The following CALN1 variants were observed in gnomAD, a reference collection of about 807,000 sequenced individuals.
CALN1 encodes the protein calcium-binding protein 8.
CALN1 carries 17 observed loss-of-function variants against 30.6 expected under a neutral mutation model. That is an observed-to-expected ratio of 0.56 (90% CI 0.38 to 0.83). The LOEUF is 0.83. Ranked by LOEUF, CALN1 falls within the 40% of genes least tolerant of loss-of-function variation. The pLI, the probability that CALN1 is intolerant of heterozygous loss-of-function variation, is 0.00. For synonymous variants in CALN1, 156 were observed against 131.4 expected (o/e 1.19, Z -1.28); for missense variants, 291 against 354.9 (o/e 0.82, Z 1.45).
In CALN1 at chr7:72,431,940, G is replaced by A. The variant is rs141081536; in HGVS notation, c.-226+15102C>T. ...CTCCTAATCTTGAGGAATATTACAAGAGGAGGCAGCCAGTCCTATTAAACT... is the reference window on the plus strand; with the variant it reads ...CTCCTAATCTTGAGGAATATTACAAAAGGAGGCAGCCAGTCCTATTAAACT... On this transcript the variant is annotated intron_variant, in intron 1 of 6. Coordinates refer to the CALN1 transcript ENST00000395276. Among the ~76,000 whole-genome samples the A allele has an allele frequency of 2.3e-3, 342 of 151,680 alleles. 1 individual carries two copies. The highest frequency in any genetic ancestry group is 8.1e-3 in the African/African-American group (334 of 41,374).
At chr7:72,275,276 T>C (rs1797261446) in intron 3 of CALN1, among the ~76,000 whole-genome samples, 2 of 151,800 alleles carry the variant, frequency 1.3e-5, no homozygotes, top group Non-Finnish European at 2.9e-5. Context: ...GGTAAATGAG[T>C]GCCCCCAACC....
intron 4 of CALN1, among the ~76,000 whole-genome samples, chr7:72,088,247 C>T (rs1805612692): frequency 6.6e-6 from 1 of 152,138 alleles, no homozygotes; most frequent in Non-Finnish European, 1.5e-5. Context: ...CTAGAACACA[C>T]AGATGAATAT....
At chr7:72,031,487 A>G (rs1410480849) in intron 4 of CALN1, among the ~76,000 whole-genome samples, 1 of 152,180 alleles carries the variant, frequency 6.6e-6, no homozygotes, top group Non-Finnish European at 1.5e-5. Flanking sequence ...GATAACTTAG[A>G]AAAAAAGAGG....
intron 1 of CALN1, among the ~76,000 whole-genome samples, chr7:72,406,513 C>T (rs968100472): frequency 2.0e-5 from 3 of 152,126 alleles, no homozygotes; most frequent in Non-Finnish European, 4.4e-5. Flanking sequence ...CCTTTACAAT[C>T]GTCATCTGAA....
At chr7:72,106,718 AAGGGAGGG>A (rs1166644960) in intron 3 of CALN1, among the ~76,000 whole-genome samples, 6 of 50,000 alleles carry the variant, frequency 1.2e-4, no homozygotes, top group African/African-American at 5.2e-4. Context: ...GGGAGGGAGG[AAGGGAGGG>A]AGGGAGGAAG....
At chr7:72,386,143 A>C (rs1443763383) in intron 2 of CALN1, among the ~76,000 whole-genome samples, 4 of 152,200 alleles carry the variant, frequency 2.6e-5, no homozygotes, top group Admixed American at 2.6e-4. Flanking sequence ...CAGTGAAACT[A>C]TTTTGTATGG....
intron 5 of CALN1, among the ~76,000 whole-genome samples, chr7:71,975,260 G>A (rs1256673040): frequency 6.6e-6 from 1 of 152,056 alleles, no homozygotes; most frequent in South Asian, 2.1e-4. Flanking sequence ...CTGGTGGGTG[G>A]CATCTGTGTC....
At chr7:72,195,392 T>G (rs1277200107) in intron 3 of CALN1, among the ~76,000 whole-genome samples, 2 of 152,186 alleles carry the variant, frequency 1.3e-5, no homozygotes, top group African/African-American at 4.8e-5. Flanking sequence ...CTCTCTTTTT[T>G]TAAGAGACTA....
intron 4 of CALN1, among the ~76,000 whole-genome samples, chr7:72,082,018 G>A (rs1254047423): frequency 6.6e-6 from 1 of 151,636 alleles, no homozygotes. Context: ...ACAGAGTCTT[G>A]CTCTGTTGCC....
chr7:72,449,654 C>T (rs959829858), upstream of CALN1, among the ~76,000 whole-genome samples: 2 of 151,956 alleles, frequency 1.3e-5, no homozygotes, highest in East Asian at 1.9e-4. Flanking sequence ...GGGAGGATCA[C>T]GAGGTCAGGA....
At chr7:72,407,116 G>A (rs1037981897) in intron 1 of CALN1, among the ~76,000 whole-genome samples, 2 of 152,150 alleles carry the variant, frequency 1.3e-5, no homozygotes, top group South Asian at 2.1e-4. Flanking sequence ...AATATGCAGA[G>A]AATGGTGAAG....
intron 2 of CALN1, among the ~76,000 whole-genome samples, chr7:72,299,873 C>T (rs1162650989): frequency 6.6e-6 from 1 of 151,334 alleles, no homozygotes; most frequent in Non-Finnish European, 1.5e-5. Context: ...GTTTTTGTTT[C>T]AATTTTTGTT....
At chr7:71,897,534 C>G (rs1793594993) in intron 5 of CALN1, among the ~76,000 whole-genome samples, 1 of 152,036 alleles carries the variant, frequency 6.6e-6, no homozygotes, top group Non-Finnish European at 1.5e-5. Context: ...TCTGGAAACA[C>G]AAGGTAAAGG....
chr7:71,846,017 C>T (rs1179585539), intron 5 of CALN1, among the ~76,000 whole-genome samples: 1 of 152,088 alleles, frequency 6.6e-6, no homozygotes, highest in Non-Finnish European at 1.5e-5. Flanking sequence ...TCCACTACTG[C>T]ACTCTAGCCT....
intron 2 of CALN1, among the ~76,000 whole-genome samples, chr7:72,379,576 T>C (rs768528086): frequency 2.0e-5 from 3 of 152,250 alleles, no homozygotes; most frequent in Non-Finnish European, 4.4e-5. Flanking sequence ...TTATCAGCCA[T>C]TCCCTGGTCA....
intron 5 of CALN1, among the ~76,000 whole-genome samples, chr7:71,982,400 C>T (rs567693539): frequency 6.6e-6 from 1 of 152,254 alleles, no homozygotes; most frequent in African/African-American, 2.4e-5. Context: ...TTCAAGACCA[C>T]CCTGGCCAAC....
chr7:71,997,860 C>A (rs1332132238), intron 5 of CALN1, among the ~76,000 whole-genome samples: 1 of 151,586 alleles, frequency 6.6e-6, no homozygotes, highest in Non-Finnish European at 1.5e-5. Flanking sequence ...CGCTCTTGTC[C>A]CCCTGGCTGG....
intron 5 of CALN1, among the ~76,000 whole-genome samples, chr7:71,857,386 G>A (rs904212227): frequency 6.6e-6 from 1 of 152,150 alleles, no homozygotes; most frequent in East Asian, 1.9e-4. Context: ...AGACCCTTGT[G>A]AAGTGGGAAT....
intron 5 of CALN1, among the ~76,000 whole-genome samples, chr7:71,921,553 A>G (rs1363419806): frequency 6.6e-6 from 1 of 152,180 alleles, no homozygotes; most frequent in Non-Finnish European, 1.5e-5. Context: ...ACCTTAATAC[A>G]TATATTATCA....
Sources: allele counts gnomAD v4.1 joint callset (sites outside exome capture counted in the v4.1 genomes callset), GRCh38; gene constraint gnomAD v4.1.1; transcripts MANE v1.5; gene names NCBI Gene and HGNC (gene_info 2026-07-23, HGNC 2026-07-21).